CNTN1: variants seen among roughly 807,000 people sequenced by gnomAD.
The protein encoded by CNTN1 is contactin 1.
A neutral mutation model predicts 126.4 loss-of-function variants in CNTN1; 38 were observed. That is an observed-to-expected ratio of 0.30 (90% CI 0.23 to 0.39). The LOEUF is 0.39. Among genes scored for constraint, CNTN1 ranks in the 10% least tolerant of loss-of-function variants. CNTN1 has a pLI of 1.00. For missense variants in CNTN1, 1,009 were observed against 1,248.4 expected (o/e 0.81, Z 2.89); for synonymous variants, 413 against 422.6 (o/e 0.98, Z 0.28).
intron 1 of CNTN1, among the ~76,000 whole-genome samples, chr12:40,802,743 C>A (rs1940704478): frequency 6.6e-6 from 1 of 151,900 alleles, no homozygotes; most frequent in Non-Finnish European, 1.5e-5. Context: ...GAAGATTTCC[C>A]AGACACTTTT....
At chr12:40,752,748 A>G (rs951662203) in intron 1 of CNTN1, among the ~76,000 whole-genome samples, 1 of 152,146 alleles carries the variant, frequency 6.6e-6, no homozygotes, top group Non-Finnish European at 1.5e-5. Context: ...TTTAAACATA[A>G]CATTTTAAAC....
intron 14 of CNTN1, among the ~76,000 whole-genome samples, chr12:40,954,784 A>T (rs1004549427): frequency 6.6e-6 from 1 of 152,080 alleles, no homozygotes; most frequent in Non-Finnish European, 1.5e-5. Flanking sequence ...CAGAGTCAAG[A>T]AGTACAAAAC....
At chr12:40,736,499 A>G (rs928455118) in intron 1 of CNTN1, among the ~76,000 whole-genome samples, 1 of 152,086 alleles carries the variant, frequency 6.6e-6, no homozygotes, top group African/African-American at 2.4e-5. Flanking sequence ...TCACAGTGAA[A>G]TAAGTGGCTC....
At chr12:40,757,603 G>T (rs1191388063) in intron 1 of CNTN1, among the ~76,000 whole-genome samples, 1 of 152,060 alleles carries the variant, frequency 6.6e-6, no homozygotes, top group East Asian at 1.9e-4. Context: ...TTGATGTATT[G>T]GTTTCAGCTT....
intron 1 of CNTN1, among the ~76,000 whole-genome samples, chr12:40,777,139 A>G (rs1939617933): frequency 3.3e-5 from 5 of 151,698 alleles, no homozygotes. Flanking sequence ...TAAAGCGAAA[A>G]TCATCTGTCT....
chr12:40,741,993 T>C (rs908143336), intron 1 of CNTN1, among the ~76,000 whole-genome samples: 1 of 152,052 alleles, frequency 6.6e-6, no homozygotes, highest in Non-Finnish European at 1.5e-5. Context: ...AAGTCTAAGC[T>C]TTCAAAACTT....
chr12:41,045,284 C>A (rs1949517185), intron 23 of CNTN1, among the ~76,000 whole-genome samples: 1 of 152,010 alleles, frequency 6.6e-6, no homozygotes, highest in Non-Finnish European at 1.5e-5. Flanking sequence ...ACCATCAGAA[C>A]AAGACTTCAA....
At chr12:40,702,104 T>C (rs548907367) in intron 1 of CNTN1, among the ~76,000 whole-genome samples, 1 of 152,078 alleles carries the variant, frequency 6.6e-6, no homozygotes. Flanking sequence ...TATCGGATTT[T>C]TTTTTTTTTT....
chr12:40,698,854 C>T (rs1941522009), intron 1 of CNTN1, among the ~76,000 whole-genome samples: 1 of 152,172 alleles, frequency 6.6e-6, no homozygotes, highest in Admixed American at 6.5e-5. Flanking sequence ...TCTTCCATCT[C>T]CAATCTCCCG....
intron 23 of CNTN1, among the ~76,000 whole-genome samples, chr12:41,053,929 A>G (rs1949744421): frequency 1.3e-5 from 2 of 151,938 alleles, no homozygotes; most frequent in South Asian, 4.1e-4. Context: ...TTAAAAATAT[A>G]TATTGTATGC....
intron 1 of CNTN1, among the ~76,000 whole-genome samples, chr12:40,816,554 A>G (rs1941261793): frequency 6.6e-6 from 1 of 150,556 alleles, no homozygotes; most frequent in South Asian, 2.1e-4. Context: ...CTTCTCTATT[A>G]ATCTAGCTTG....
At chr12:40,780,373 T>G (rs1353702965) in intron 1 of CNTN1, among the ~76,000 whole-genome samples, 4 of 151,858 alleles carry the variant, frequency 2.6e-5, no homozygotes, top group African/African-American at 9.7e-5. Flanking sequence ...CCCCTAGGAA[T>G]TCAAAATATT....
chr12:40,947,802 C>T lies in CNTN1; in HGVS notation c.1683+3632C>T, dbSNP rs1194057782. Among the ~76,000 whole-genome samples the T allele has an allele frequency of 1.1e-3, 156 of 147,432 alleles. 2 individuals carry two copies. The East Asian group carries it at 0.012, about 12-fold the overall frequency. On this transcript the variant is annotated intron_variant, in intron 14 of 23. Transcript: ENST00000551295. ...ATATATACACACACACACACACACA[C>T]ACACACACACACACACACACACACA... is the stretch of plus-strand genomic sequence containing the variant.
At chr12:41,062,861 C>T (rs1949965436) in intron 23 of CNTN1, among the ~76,000 whole-genome samples, 1 of 152,090 alleles carries the variant, frequency 6.6e-6, no homozygotes. Context: ...TAACTGATTT[C>T]CTCACCTAGT....
chr12:40,952,080 A>C (rs11179168), intron 14 of CNTN1, among the ~76,000 whole-genome samples: 75,950 of 151,570 alleles, frequency 0.5, 19,047 homozygotes, highest in Middle Eastern at 0.6. Context: ...AATAAGTAAA[A>C]TAACAACATA....
At chr12:41,031,593 C>T (rs1474652303) in intron 23 of CNTN1, among the ~76,000 whole-genome samples, 1 of 152,124 alleles carries the variant, frequency 6.6e-6, no homozygotes, top group Non-Finnish European at 1.5e-5. Context: ...TTGATTTCAG[C>T]ATACCACAGC....
chr12:40,712,638 T>C (rs956923222), intron 1 of CNTN1, among the ~76,000 whole-genome samples: 1 of 152,088 alleles, frequency 6.6e-6, no homozygotes, highest in Non-Finnish European at 1.5e-5. Context: ...TGTGGACCTA[T>C]GAGCAAGAAA....
chr12:40,910,019 C>A, intron 2 of CNTN1, 54 bp from the exon 3 acceptor site: 1 of 1,350,782 alleles, frequency 7.4e-7, no homozygotes, highest in South Asian at 1.2e-5. Flanking sequence ...ATGTTTGAAA[C>A]CACAATTCAA....
chr12:40,692,546 G>GT lies in CNTN1; in HGVS notation c.-122dup, dbSNP rs1565606184. The GT allele has an allele frequency of 1.3e-5, 2 of 152,520 alleles. No individual in the cohort carries two copies. Among genetic ancestry groups the GT allele is most frequent in the Non-Finnish European group, 2.9e-5 (2 of 68,270 alleles). 9.4% of individuals were successfully genotyped at this position (152,520 alleles called of 1,614,324 possible). On this transcript the variant is annotated 5_prime_UTR_variant, in exon 1 of 24. Coordinates refer to ENST00000551295, the MANE Select transcript of CNTN1 (RefSeq NM_001843.4). ...GCAGCGGAAGTGGGAAACCTGTAGG[G>GT]TATGGTCCAGCTGTGCCGCACCGAG... is the stretch of plus-strand genomic sequence containing the variant.
Sources: allele counts gnomAD v4.1 joint callset (sites outside exome capture counted in the v4.1 genomes callset), GRCh38; gene constraint gnomAD v4.1.1; transcripts MANE v1.5; gene names NCBI Gene and HGNC (gene_info 2026-07-23, HGNC 2026-07-21).